The following NRG3 variants were observed in gnomAD, a reference collection of about 807,000 sequenced individuals.
NRG3 encodes the protein neuregulin 3.
NRG3 carries 31 observed loss-of-function variants against 66.9 expected under a neutral mutation model. That is an observed-to-expected ratio of 0.46 (90% confidence interval 0.35 to 0.63). The LOEUF (loss-of-function observed/expected upper bound fraction) is 0.63. Among genes scored for constraint, NRG3 ranks in the 20% least tolerant of loss-of-function variants. The pLI, the probability that NRG3 is intolerant of heterozygous loss-of-function variation, is 0.00. For missense variants in NRG3, 910 were observed against 878.9 expected, an observed-to-expected ratio of 1.04 and a Z score of -0.45; for synonymous variants, 393 against 359.4, an observed-to-expected ratio of 1.09 and a Z score of -1.06.
intron 1 of NRG3, among the ~76,000 whole-genome samples, chr10:81,883,675 A>G (rs371502496): frequency 6.6e-6 from 1 of 152,188 alleles, no homozygotes; most frequent in East Asian, 1.9e-4. Context: ...TAAACGTTTG[A>G]TAAGAATTCT....
chr10:82,664,605 G>A (rs1339018930), intron 2 of NRG3, among the ~76,000 whole-genome samples: 1 of 152,154 alleles, frequency 6.6e-6, no homozygotes, highest in Admixed American at 6.5e-5. Flanking sequence ...TAATAATGCG[G>A]ACCATGGTAA....
chr10:82,002,381 C>T (rs989844466), intron 1 of NRG3, among the ~76,000 whole-genome samples: 3 of 152,152 alleles, frequency 2.0e-5, no homozygotes, highest in African/African-American at 7.2e-5. Flanking sequence ...ATGAATCCTA[C>T]TGTCTCTTCA....
intron 1 of NRG3, among the ~76,000 whole-genome samples, chr10:82,238,235 A>G (rs1477553254): frequency 6.6e-6 from 1 of 152,190 alleles, no homozygotes; most frequent in East Asian, 1.9e-4. Flanking sequence ...AGCAAAAGAA[A>G]CTTGAATTCA....
intron 4 of NRG3, among the ~76,000 whole-genome samples, chr10:82,871,711 CAT>C (rs994214324): frequency 2.0e-5 from 3 of 151,978 alleles, no homozygotes; most frequent in Non-Finnish European, 4.4e-5. Flanking sequence ...AATTTCATAT[CAT>C]ATTTGTTTAT....
At chr10:82,856,039 T>A (rs2063784523) in intron 3 of NRG3, among the ~76,000 whole-genome samples, 1 of 151,928 alleles carries the variant, frequency 6.6e-6, no homozygotes, top group Non-Finnish European at 1.5e-5. Context: ...TTTGGGGGAG[T>A]TTTCTGGAAA....
chr10:82,963,702 G>C (rs758404162), intron 6 of NRG3, among the ~76,000 whole-genome samples: 4 of 152,260 alleles, frequency 2.6e-5, no homozygotes, highest in East Asian at 1.9e-4. Flanking sequence ...AAAAGAATTT[G>C]CGTTAAAATA....
chr10:82,630,703 T>A (rs1391319052), intron 2 of NRG3, among the ~76,000 whole-genome samples: 2 of 152,016 alleles, frequency 1.3e-5, no homozygotes. Flanking sequence ...GTTGAAATAG[T>A]TTTAATGGCC....
At chr10:82,865,940 A>T (rs1840687354) in intron 4 of NRG3, among the ~76,000 whole-genome samples, 1 of 152,130 alleles carries the variant, frequency 6.6e-6, no homozygotes, top group East Asian at 1.9e-4. Flanking sequence ...GCTATTAAAC[A>T]TTTTTATTCA....
At chr10:82,447,697 G>A (rs981824734) in intron 2 of NRG3, among the ~76,000 whole-genome samples, 1 of 152,234 alleles carries the variant, frequency 6.6e-6, no homozygotes, top group African/African-American at 2.4e-5. Context: ...CCTCTCTTAA[G>A]TAGTTTTTGG....
chr10:82,848,184 A>G (rs1169215283), intron 3 of NRG3, among the ~76,000 whole-genome samples: 1 of 152,360 alleles, frequency 6.6e-6, no homozygotes, highest in East Asian at 1.9e-4. Flanking sequence ...TGTCATAGAT[A>G]CAATGAATAA....
chr10:81,900,936 T>C (rs1844007710), intron 1 of NRG3, among the ~76,000 whole-genome samples: 1 of 152,230 alleles, frequency 6.6e-6, no homozygotes, highest in East Asian at 1.9e-4. Context: ...ACAAAAAGTT[T>C]TTATTTTTCA....
rs908140386 is a variant in NRG3, at chr10:82,720,830, T to C, written c.954-17747T>C. On this transcript the variant is annotated intron_variant, in intron 2 of 8. Coordinates refer to ENST00000372141, the MANE Select transcript of NRG3 (RefSeq NM_001010848.4). ...TTATACATATATATATATATATATA[T>C]ATATATATATATCACCCATCACTTG... Among the ~76,000 whole-genome samples the C allele has an allele frequency of 1.3e-4, 17 of 131,724 alleles. 1 individual carries two copies. Among genetic ancestry groups the C allele is most frequent in the African/African-American group, 5.8e-4 (17 of 29,280 alleles). 86.4% of individuals were successfully genotyped at this position (131,724 alleles called of 152,430 possible). A position where few individuals can be genotyped will look rare whatever the true frequency, so the allele number is the denominator to read the frequency against.
intron 3 of NRG3, among the ~76,000 whole-genome samples, chr10:82,742,335 TAGCAGTGGTTCAG>T (rs1179452453): frequency 6.6e-6 from 1 of 152,138 alleles, no homozygotes; most frequent in Non-Finnish European, 1.5e-5. Flanking sequence ...TTGAGTGTCT[TAGCAGTGGTTCAG>T]AGCTGGGTCC....
intron 2 of NRG3, among the ~76,000 whole-genome samples, chr10:82,610,529 G>A (rs2048248246): frequency 1.3e-5 from 2 of 152,070 alleles, no homozygotes; most frequent in Non-Finnish European, 2.9e-5. Context: ...TTAATATAAT[G>A]TGCTCAGTGT....
At chr10:81,971,479 A>G (rs992200122) in intron 1 of NRG3, among the ~76,000 whole-genome samples, 2 of 152,232 alleles carry the variant, frequency 1.3e-5, no homozygotes, top group African/African-American at 4.8e-5. Flanking sequence ...GGAAAAGATC[A>G]ACTATGATGA....
At chr10:82,044,844 A>C (rs2133054060) in intron 1 of NRG3, among the ~76,000 whole-genome samples, 1 of 152,094 alleles carries the variant, frequency 6.6e-6, no homozygotes, top group South Asian at 2.1e-4. Context: ...GCGATAGTTT[A>C]CTGAGAATGA....
chr10:82,574,998 AT>A (rs1189881142), intron 2 of NRG3, among the ~76,000 whole-genome samples: 4 of 151,726 alleles, frequency 2.6e-5, no homozygotes, highest in African/African-American at 9.7e-5. Flanking sequence ...AGTTCAAAAG[AT>A]CTATTGTGCA....
At chr10:82,810,997 C>T (rs969758111) in intron 3 of NRG3, among the ~76,000 whole-genome samples, 4 of 152,040 alleles carry the variant, frequency 2.6e-5, no homozygotes, top group African/African-American at 9.7e-5. Flanking sequence ...CCTTTACTTG[C>T]AGTGTTCTTC....
chr10:82,706,344 A>T (rs567519926), intron 2 of NRG3, among the ~76,000 whole-genome samples: 2 of 152,242 alleles, frequency 1.3e-5, no homozygotes, highest in East Asian at 3.9e-4. Flanking sequence ...TGGGATTTGA[A>T]ATCTTTATAT....
Sources: gnomAD v4.1 joint callset for allele counts (sites outside exome capture counted in the v4.1 genomes callset) on GRCh38, gnomAD v4.1.1 for gene constraint, MANE v1.5 for transcripts, NCBI Gene and HGNC (gene_info 2026-07-23, HGNC 2026-07-21) for gene names.